The following YWHAZ variants were observed in gnomAD, a reference collection of about 807,000 sequenced individuals.
YWHAZ encodes the protein tyrosine 3-monooxygenase/tryptophan 5-monooxygenase activation protein zeta, also known as 14-3-3 protein zeta/delta.
For missense variants in YWHAZ, 79 were observed against 284.8 expected, an observed-to-expected ratio of 0.28 and a Z score of 5.20; for synonymous variants, 87 against 103.6, an observed-to-expected ratio of 0.84 and a Z score of 0.97.
At chr8:100,944,501 G>A (rs1242275848) in intron 2 of YWHAZ, among the ~76,000 whole-genome samples, 3 of 152,188 alleles carry the variant, frequency 2.0e-5, no homozygotes, top group Non-Finnish European at 2.9e-5. Context: ...ATTTTACACT[G>A]CTTCCTCTCG....
At chr8:100,950,369 C>A in intron 1 of YWHAZ, 1 of 985,484 alleles carries the variant, frequency 1.0e-6, no homozygotes, top group Non-Finnish European at 1.2e-6. Context: ...CGCCTCTACA[C>A]TGCGGGCAGG....
rs1470895631 is a variant in YWHAZ at position 100,917,046 on chromosome 8, G to A, written c.*3647C>T. On this transcript the variant is annotated 3_prime_UTR_variant, in exon 6 of 6. Transcript: ENST00000395958. ...ATTTATTTCTTGACCTTTCCCTAGA[G>A]GAATGTGTAAGACCATCATTGAGCA... 1.3e-5 allele frequency: 2 copies of A among 150,664 alleles called. No homozygotes were observed. The highest frequency in any genetic ancestry group is 5.0e-5 in the African/African-American group (2 of 39,986). 9.3% of individuals were successfully genotyped at this position (150,664 alleles called of 1,614,324 possible).
At position 100,924,339 on chromosome 8, in the gene YWHAZ, A is replaced by G; in HGVS notation, c.419-41T>C. 1 of 1,584,034 alleles carries G rather than the reference A, an allele frequency of 6.3e-7. No individual in the cohort carries two copies. The highest frequency in any genetic ancestry group is 1.2e-5 in the South Asian group (1 of 86,608). ...CAAAACGTACTGAGATAAAGTGTGCATTATATCTTCACCCCTCAAACCAAA... is the reference window on the plus strand; with the variant it reads ...CAAAACGTACTGAGATAAAGTGTGCGTTATATCTTCACCCCTCAAACCAAA... On this transcript the variant is annotated intron_variant, in intron 3 of 5. Transcript: ENST00000395958. The surrounding 1 kb of genome is among the most constrained non-coding windows in gnomAD (Gnocchi z 5.7).
rs142979186 is a variant in YWHAZ at position 100,949,561 on chromosome 8, C to T, written c.-11-661G>A. On this transcript the variant is annotated intron_variant, in intron 1 of 5. Coordinates refer to ENST00000395958, the MANE Select transcript of YWHAZ (RefSeq NM_145690.3). ...CCACCACAAAGGATCAATATCTGAC[C>T]CTAATGTCTCAACTCTTTATCTTGT... Among the ~76,000 whole-genome samples the T allele has an allele frequency of 1.9e-3, 292 of 152,166 alleles. 1 individual carries two copies. Among genetic ancestry groups the T allele is most frequent in the African/African-American group, 6.5e-3 (269 of 41,520 alleles).
chr8:100,948,991 C>T lies in YWHAZ; in HGVS notation c.-11-91G>A. On this transcript the variant is annotated intron_variant, in intron 1 of 5. Coordinates refer to ENST00000395958, the MANE Select transcript of YWHAZ (RefSeq NM_145690.3). This position sits in a 1 kb window ranked among gnomAD's most constrained non-coding sequence, Gnocchi z 4.2. ...CCTGTGGTAAATGAGTTTTTTAAAC[C>T]TGAAACCTAACTGCCTGTGAAAGAC... The T allele has an allele frequency of 2.9e-6, 4 of 1,382,432 alleles. No homozygotes were observed. The highest frequency in any genetic ancestry group is 1.9e-4 in the Middle Eastern group (1 of 5,188). 85.6% of individuals were successfully genotyped at this position (1,382,432 alleles called of 1,614,324 possible). A position where few individuals can be genotyped will look rare whatever the true frequency, so the allele number is the denominator to read the frequency against.
chr8:100,936,467 A>C (rs376366939), intron 2 of YWHAZ, among the ~76,000 whole-genome samples: 2 of 152,160 alleles, frequency 1.3e-5, no homozygotes, highest in East Asian at 3.9e-4. Flanking sequence ...GGAGGACACC[A>C]TATCACTTCC....
rs540840847 is a variant in YWHAZ at position 100,950,610 on chromosome 8, C to G, written c.-12+1319G>C. ...TACTGCAGAGTGTTAATTCCTCCCC[C>G]CGACCGGAGCCAGAGGGAGGAGCAG... On this transcript the variant is annotated intron_variant, in intron 1 of 5. Coordinates refer to ENST00000395958, the MANE Select transcript of YWHAZ (RefSeq NM_145690.3). 9.5e-4 allele frequency: 935 copies of G among 985,980 alleles called. 1 individual carries two copies. Among genetic ancestry groups the G allele is most frequent in the African/African-American group, 1.0e-3 (60 of 57,332 alleles). The allele number at this position is 985,980 out of a possible 1,614,324, so 61.1% of individuals were successfully genotyped here. A position where few individuals can be genotyped will look rare whatever the true frequency, so the allele number is the denominator to read the frequency against.
chr8:100,943,265 G>T (rs182745213), intron 2 of YWHAZ, among the ~76,000 whole-genome samples: 1 of 152,302 alleles, frequency 6.6e-6, no homozygotes, highest in African/African-American at 2.4e-5. Flanking sequence ...CAAGAGTAAA[G>T]CAAAAGCTAT....
At chr8:100,943,609 T>A (rs974851359) in intron 2 of YWHAZ, among the ~76,000 whole-genome samples, 2 of 152,214 alleles carry the variant, frequency 1.3e-5, no homozygotes, top group African/African-American at 4.8e-5. Flanking sequence ...TTCCACTTCA[T>A]ATACCTCAGA....
At chr8:100,947,567 G>A (rs1276554516) in intron 2 of YWHAZ, among the ~76,000 whole-genome samples, 1 of 152,134 alleles carries the variant, frequency 6.6e-6, no homozygotes, top group Non-Finnish European at 1.5e-5. Context: ...TATTCCATTA[G>A]TAAATACAAA....
In YWHAZ at chr8:100,922,586, A is replaced by G. The variant is rs1171616068; in HGVS notation, c.678+1369T>C. ...TTTTTAGTAGAGATGGGGTTTCACC[A>G]TCTTGGCCAAGCTGTTCCTGAACTC... On this transcript the variant is annotated intron_variant, in intron 5 of 5. Transcript: ENST00000395958. The surrounding 1 kb of genome is among the most constrained non-coding windows in gnomAD (Gnocchi z 4.1). The G allele has an allele frequency of 1.3e-5, 2 of 152,174 alleles. No individual in the cohort carries two copies. Among genetic ancestry groups the G allele is most frequent in the Non-Finnish European group, 2.9e-5 (2 of 68,078 alleles). 9.4% of individuals were successfully genotyped at this position (152,174 alleles called of 1,614,324 possible).
intron 2 of YWHAZ, among the ~76,000 whole-genome samples, chr8:100,941,605 C>T (rs1454742625): frequency 6.6e-6 from 1 of 151,892 alleles, no homozygotes; most frequent in Admixed American, 6.6e-5. Flanking sequence ...GCCAACATGG[C>T]GAAACCCCGT....
chr8:100,920,795 T>TCGGG lies in YWHAZ; in HGVS notation c.679-44_679-43insCCCG, dbSNP rs373030011. 26 of 88,794 alleles carry TCGGG rather than the reference T, an allele frequency of 2.9e-4. 2 individuals carry two copies. Among genetic ancestry groups the TCGGG allele is most frequent in the South Asian group, 2.2e-3 (20 of 8,958 alleles). The allele number at this position is 88,794 out of a possible 1,614,324, so 5.5% of individuals were successfully genotyped here. A position where few individuals can be genotyped will look rare whatever the true frequency, so the allele number is the denominator to read the frequency against. On this transcript the variant is annotated intron_variant, in intron 5 of 5. Transcript: ENST00000395958. ...GATTTTTCAGCAAGTTTCAGTGGGA[T>TCGGG]GGGGGGGGGGGGGCGTTTTCATATA...
At chr8:100,934,622 A>G (rs1814006136) in intron 2 of YWHAZ, among the ~76,000 whole-genome samples, 1 of 152,030 alleles carries the variant, frequency 6.6e-6, no homozygotes, top group South Asian at 2.1e-4. Context: ...AATCACTTGA[A>G]CCCAGGAGGC....
chr8:100,950,575 G>A (rs968367392), intron 1 of YWHAZ: 4 of 985,378 alleles, frequency 4.1e-6, no homozygotes, highest in Admixed American at 6.1e-5. Flanking sequence ...CTGTGTCAGG[G>A]AGCCCAACCT....
upstream of YWHAZ, chr8:100,952,174 T>A: frequency 1.0e-6 from 1 of 984,248 alleles, no homozygotes; most frequent in South Asian, 4.7e-5. Flanking sequence ...GGGCCCCGCG[T>A]AACCGCCGCT....
At chr8:100,937,064 A>G (rs1814201135) in intron 2 of YWHAZ, among the ~76,000 whole-genome samples, 1 of 152,234 alleles carries the variant, frequency 6.6e-6, no homozygotes, top group Non-Finnish European at 1.5e-5. Flanking sequence ...AGGTTACATA[A>G]TAGTTTATCA....
intron 2 of YWHAZ, among the ~76,000 whole-genome samples, chr8:100,926,937 T>C (rs1813404440): frequency 6.6e-6 from 1 of 152,204 alleles, no homozygotes; most frequent in Non-Finnish European, 1.5e-5. Context: ...CATTCAACTA[T>C]GGGAGATGGT....
chr8:100,952,120 C>T, upstream of YWHAZ: 1 of 986,424 alleles, frequency 1.0e-6, no homozygotes, highest in Non-Finnish European at 1.2e-6. Flanking sequence ...ACGATGACGT[C>T]AAACGCTGCT....
Sources: allele counts gnomAD v4.1 joint callset (sites outside exome capture counted in the v4.1 genomes callset), GRCh38; gene constraint gnomAD v4.1.1; non-coding constraint Gnocchi (gnomAD v3.1); transcripts MANE v1.5; gene names NCBI Gene and HGNC (gene_info 2026-07-23, HGNC 2026-07-21).